Variants in HLCS observed in about 807,000 individuals in gnomAD.
HLCS encodes holocarboxylase synthetase, also known as biotin--protein ligase.
In HLCS, 53 loss-of-function variants were observed where a neutral mutation model predicts 75.0. That is an observed-to-expected ratio of 0.71 (90% CI 0.57 to 0.89). The LOEUF (loss-of-function observed/expected upper bound fraction) is 0.89. Ranked by LOEUF, HLCS falls within the 40% of genes least tolerant of loss-of-function variation. HLCS has a pLI of 0.00. For missense variants in HLCS, 966 were observed against 1,074.0 expected, an observed-to-expected ratio of 0.90 and a Z score of 1.41; for synonymous variants, 431 against 428.6, an observed-to-expected ratio of 1.01 and a Z score of -0.07.
chr21:36,849,231 T>C (rs769068610), intron 6 of HLCS, among the ~76,000 whole-genome samples: 6 of 152,096 alleles, frequency 3.9e-5, no homozygotes, highest in Non-Finnish European at 7.3e-5. Context: ...CTCAGAAACA[T>C]ATCTGGAAAA....
intron 6 of HLCS, among the ~76,000 whole-genome samples, chr21:36,885,356 A>C (rs184327288): frequency 6.6e-6 from 1 of 152,160 alleles, no homozygotes; most frequent in Admixed American, 6.5e-5. Context: ...AAAAATTTAA[A>C]AATTATCCAG....
At chr21:36,874,343 A>G (rs1363862895) in intron 6 of HLCS, among the ~76,000 whole-genome samples, 4 of 152,012 alleles carry the variant, frequency 2.6e-5, no homozygotes, top group African/African-American at 4.8e-5. Context: ...TGGAGCTTGC[A>G]GTGAGCCGAG....
At chr21:36,782,124 T>C (rs2060553858) in intron 6 of HLCS, among the ~76,000 whole-genome samples, 2 of 152,170 alleles carry the variant, frequency 1.3e-5, no homozygotes, top group African/African-American at 4.8e-5. Flanking sequence ...TGGCCTGTAA[T>C]TTTTATACTG....
intron 1 of HLCS, among the ~76,000 whole-genome samples, chr21:36,964,767 A>G (rs1033333721): frequency 1.3e-5 from 2 of 152,254 alleles, no homozygotes; most frequent in African/African-American, 4.8e-5. Context: ...GAAAATGTTC[A>G]AAAGTAAAAC....
intron 6 of HLCS, among the ~76,000 whole-genome samples, chr21:36,883,268 GA>G (rs1206603772): frequency 6.6e-6 from 1 of 152,166 alleles, no homozygotes; most frequent in Non-Finnish European, 1.5e-5. Context: ...TTATTTGAAA[GA>G]AAAACAAAAG....
chr21:36,960,721 C>T (rs1340248687), intron 2 of HLCS, among the ~76,000 whole-genome samples: 2 of 152,188 alleles, frequency 1.3e-5, no homozygotes, highest in African/African-American at 4.8e-5. Context: ...AGCAAAATCC[C>T]CACTGGATGA....
chr21:36,903,406 C>T (rs1187341089), intron 5 of HLCS, among the ~76,000 whole-genome samples: 6 of 152,158 alleles, frequency 3.9e-5, no homozygotes, highest in Admixed American at 3.9e-4. Context: ...GAATTTCCAT[C>T]ACTTTCCCCA....
intron 6 of HLCS, among the ~76,000 whole-genome samples, chr21:36,805,125 C>G (rs996790053): frequency 1.9e-4 from 29 of 152,194 alleles, no homozygotes; most frequent in African/African-American, 6.7e-4. Flanking sequence ...CTAGGCGATG[C>G]CAGAAACATG....
chr21:36,874,413 AT>A lies in HLCS; in HGVS notation c.1892+22446del, dbSNP rs1555919246. Reference sequence around the variant, plus strand: ...CGAGACTCCGTCTCAAAAAAATAAAATAAAATAAAATAAAATAAAATAAATA... The same window carrying A: ...CGAGACTCCGTCTCAAAAAAATAAAAAAAATAAAATAAAATAAAATAAATA... On this transcript the variant is annotated intron_variant, in intron 6 of 10. Transcript: ENST00000674895. Among the ~76,000 whole-genome samples the A allele has an allele frequency of 4.3e-3, 655 of 150,968 alleles. 6 individuals are homozygous for A. Among genetic ancestry groups the A allele is most frequent in the Middle Eastern group, 0.01 (3 of 288 alleles).
At chr21:36,975,874 G>A (rs975707085) in intron 1 of HLCS, among the ~76,000 whole-genome samples, 2 of 152,172 alleles carry the variant, frequency 1.3e-5, no homozygotes, top group African/African-American at 4.8e-5. Context: ...TCCTGCACAC[G>A]AGGTGCTATG....
At chr21:36,934,650 T>C (rs1422535231) in intron 4 of HLCS, among the ~76,000 whole-genome samples, 1 of 152,192 alleles carries the variant, frequency 6.6e-6, no homozygotes, top group Non-Finnish European at 1.5e-5. Flanking sequence ...ATCTGCAGCT[T>C]ACTCGGCTGG....
rs571952016 is a variant in HLCS, at chr21:36,751,736, G to C, written c.*2510C>G. ...GGGGACAGGAAGCCCAGTTATTGCTGTGTTCTATTTTAGGGGGCACTTCCT... is the reference window on the plus strand; with the variant it reads ...GGGGACAGGAAGCCCAGTTATTGCTCTGTTCTATTTTAGGGGGCACTTCCT... On this transcript the variant is annotated 3_prime_UTR_variant, in exon 11 of 11. Coordinates refer to ENST00000674895, the MANE Select transcript of HLCS (RefSeq NM_001352514.2). The C allele has an allele frequency of 2.6e-4, 40 of 152,334 alleles. No homozygotes were observed. Among genetic ancestry groups the C allele is most frequent in the African/African-American group, 9.1e-4 (38 of 41,566 alleles). 9.4% of individuals were successfully genotyped at this position (152,334 alleles called of 1,614,324 possible).
intron 5 of HLCS, among the ~76,000 whole-genome samples, chr21:36,906,216 C>T (rs1397436589): frequency 3.9e-5 from 6 of 151,968 alleles, no homozygotes; most frequent in Admixed American, 2.0e-4. Context: ...CTGAAAACTA[C>T]AAAACACTCC....
At chr21:36,903,621 G>A (rs2065328322) in intron 5 of HLCS, among the ~76,000 whole-genome samples, 1 of 152,178 alleles carries the variant, frequency 6.6e-6, no homozygotes, top group African/African-American at 2.4e-5. Context: ...CCAGCACTAA[G>A]TAGAACTTTC....
intron 8 of HLCS, among the ~76,000 whole-genome samples, chr21:36,761,282 A>T (rs2089831387): frequency 6.6e-6 from 1 of 152,204 alleles, no homozygotes; most frequent in African/African-American, 2.4e-5. Context: ...GAGGAATCCT[A>T]TGCTACGCGG....
Position 36,749,596 on chromosome 21 carries a change from G to A in HLCS, c.*4650C>T, listed in dbSNP as rs2089306417. 2.0e-5 allele frequency: 3 copies of A among 152,140 alleles called. No homozygotes were observed. The highest frequency in any genetic ancestry group is 4.4e-5 in the Non-Finnish European group (3 of 68,032). 9.4% of individuals were successfully genotyped at this position (152,140 alleles called of 1,614,324 possible). On this transcript the variant is annotated 3_prime_UTR_variant, in exon 11 of 11. Transcript: ENST00000674895. Reference sequence around the variant, plus strand: ...CATGCAGCGAAGGGGCTGGATGGTAGGAAGGGATGTGCCCGCCTCTCCACG... The same window carrying A: ...CATGCAGCGAAGGGGCTGGATGGTAAGAAGGGATGTGCCCGCCTCTCCACG...
Position 36,749,916 on chromosome 21 carries a change from A to C in HLCS, c.*4330T>G, listed in dbSNP as rs2123528082. 6.6e-6 allele frequency: 1 copy of C among 152,378 alleles called. No homozygotes were observed. Among genetic ancestry groups the C allele is most frequent in the Admixed American group, 6.5e-5 (1 of 15,306 alleles). 9.4% of individuals were successfully genotyped at this position (152,378 alleles called of 1,614,324 possible). ...AAAAAGACCCTATCATAGATTTACAAGTGACAACGTGGACAGGCGTAACAG... is the reference window on the plus strand; with the variant it reads ...AAAAAGACCCTATCATAGATTTACACGTGACAACGTGGACAGGCGTAACAG... On this transcript the variant is annotated 3_prime_UTR_variant, in exon 11 of 11. Coordinates refer to ENST00000674895, the MANE Select transcript of HLCS (RefSeq NM_001352514.2).
At chr21:36,913,507 T>C (rs896412617) in intron 5 of HLCS, among the ~76,000 whole-genome samples, 1 of 152,072 alleles carries the variant, frequency 6.6e-6, no homozygotes, top group Non-Finnish European at 1.5e-5. Context: ...CACGCTGTAA[T>C]CCCAGCAATT....
intron 1 of HLCS, among the ~76,000 whole-genome samples, chr21:36,981,487 G>A (rs556296111): frequency 1.5e-5 from 2 of 132,412 alleles, no homozygotes; most frequent in Middle Eastern, 4.5e-3. Context: ...TATAACCTCC[G>A]CCTCCCAGGT....
Sources: allele counts gnomAD v4.1 joint callset (sites outside exome capture counted in the v4.1 genomes callset), GRCh38; gene constraint gnomAD v4.1.1; transcripts MANE v1.5; gene names NCBI Gene and HGNC (gene_info 2026-07-23, HGNC 2026-07-21).